CCSER2: variants seen among roughly 807,000 people sequenced by gnomAD.
The protein encoded by CCSER2 is serine-rich coiled-coil domain-containing protein 2.
CCSER2 carries 46 observed loss-of-function variants against 92.3 expected under a neutral mutation model. That is an observed-to-expected ratio of 0.50 (90% CI 0.39 to 0.64). The LOEUF is 0.64. CCSER2 is among the 30% of genes least tolerant of loss of function. The pLI is 0.00. For synonymous variants in CCSER2, 433 were observed against 431.4 expected (o/e 1.00, Z -0.04); for missense variants, 1,244 against 1,238.9 (o/e 1.00, Z -0.06).
intron 7 of CCSER2, among the ~76,000 whole-genome samples, chr10:84,464,965 A>G (rs993388424): frequency 1.3e-5 from 2 of 152,218 alleles, no homozygotes; most frequent in Non-Finnish European, 2.9e-5. Flanking sequence ...AATCAAAATC[A>G]TAAGAGTATA....
At chr10:84,361,701 G>A (rs1386631344) in intron 1 of CCSER2, among the ~76,000 whole-genome samples, 2 of 151,798 alleles carry the variant, frequency 1.3e-5, no homozygotes, top group Non-Finnish European at 2.9e-5. Flanking sequence ...GAGTGCAGTG[G>A]TGCAATCTCA....
At chr10:84,413,286 C>T (rs529761511) in intron 3 of CCSER2, among the ~76,000 whole-genome samples, 5 of 152,074 alleles carry the variant, frequency 3.3e-5, no homozygotes, top group South Asian at 4.2e-4. Flanking sequence ...ATGGGCATTT[C>T]GTGCTATAAA....
At chr10:84,512,367 A>T (rs545386848) in intron 9 of CCSER2, among the ~76,000 whole-genome samples, 7 of 139,742 alleles carry the variant, frequency 5.0e-5, no homozygotes, top group African/African-American at 1.6e-4. Flanking sequence ...TTATTTAAAC[A>T]GTGTGTGTGT....
At chr10:84,440,760 C>T (rs528859569) in intron 6 of CCSER2, among the ~76,000 whole-genome samples, 2 of 152,306 alleles carry the variant, frequency 1.3e-5, no homozygotes, top group East Asian at 3.9e-4. Flanking sequence ...TACTGAAAAT[C>T]TCTTTATCCT....
chr10:84,337,021 CG>C (rs1042746212), intron 1 of CCSER2, among the ~76,000 whole-genome samples: 1 of 152,122 alleles, frequency 6.6e-6, no homozygotes, highest in Admixed American at 6.5e-5. Context: ...AGGGTTTTAG[CG>C]GGGGAAGTAA....
intron 1 of CCSER2, among the ~76,000 whole-genome samples, chr10:84,354,558 G>A (rs1189695327): frequency 1.3e-5 from 1 of 79,370 alleles, no homozygotes; most frequent in South Asian, 3.8e-4. Flanking sequence ...CCCCCGCCCC[G>A]CTTCCCCCTC....
intron 1 of CCSER2, among the ~76,000 whole-genome samples, chr10:84,338,825 G>C (rs1843996766): frequency 6.6e-6 from 1 of 152,108 alleles, no homozygotes; most frequent in Non-Finnish European, 1.5e-5. Flanking sequence ...GATGAATTCA[G>C]AAACTGTGTT....
intron 6 of CCSER2, among the ~76,000 whole-genome samples, chr10:84,458,524 A>G (rs867717819): frequency 2.6e-5 from 4 of 152,070 alleles, no homozygotes; most frequent in Non-Finnish European, 4.4e-5. Flanking sequence ...TTGCCTTTTC[A>G]TGTAAATTTT....
At chr10:84,451,718 AC>A (rs1845304811) in intron 6 of CCSER2, among the ~76,000 whole-genome samples, 1 of 152,194 alleles carries the variant, frequency 6.6e-6, no homozygotes, top group Non-Finnish European at 1.5e-5. Context: ...ATTTGTAAAT[AC>A]TATTTGCTTA....
chr10:84,484,063 T>C (rs1264737758), intron 9 of CCSER2, among the ~76,000 whole-genome samples: 1 of 144,278 alleles, frequency 6.9e-6, no homozygotes, highest in Admixed American at 7.1e-5. Flanking sequence ...AAGCTCCACC[T>C]CCCGGGTTCA....
intron 7 of CCSER2, among the ~76,000 whole-genome samples, chr10:84,464,302 A>G (rs1375119443): frequency 3.3e-5 from 5 of 152,210 alleles, no homozygotes; most frequent in African/African-American, 1.2e-4. Context: ...ATGAGTAGGA[A>G]TGAAAGTTAA....
intron 9 of CCSER2, chr10:84,499,935 A>C: frequency 6.2e-7 from 1 of 1,613,778 alleles, no homozygotes; most frequent in Non-Finnish European, 8.5e-7. Flanking sequence ...GATCCCACGG[A>C]CTGTTCCACC....
chr10:84,415,320 T>C (rs1181826936), intron 3 of CCSER2, among the ~76,000 whole-genome samples: 2 of 152,236 alleles, frequency 1.3e-5, no homozygotes, highest in Non-Finnish European at 2.9e-5. Flanking sequence ...GACCTTTGAA[T>C]TGGGTTTTTG....
intron 6 of CCSER2, among the ~76,000 whole-genome samples, chr10:84,440,960 A>G (rs918249600): frequency 1.3e-5 from 2 of 152,100 alleles, no homozygotes; most frequent in African/African-American, 4.8e-5. Context: ...GAATATTTTT[A>G]ATCTTTTATT....
chr10:84,397,195 G>A (rs536460459), intron 3 of CCSER2, among the ~76,000 whole-genome samples: 6 of 152,088 alleles, frequency 3.9e-5, no homozygotes, highest in Non-Finnish European at 8.8e-5. Flanking sequence ...TAAATCTTAA[G>A]TGCATTGATT....
At chr10:84,436,543 A>C (rs1279959391) in intron 5 of CCSER2, among the ~76,000 whole-genome samples, 1 of 142,984 alleles carries the variant, frequency 7.0e-6, no homozygotes, top group South Asian at 2.4e-4. Context: ...ACTGAGGCAG[A>C]GGAATGGCAT....
At chr10:84,398,998 G>A (rs1157103670) in intron 3 of CCSER2, among the ~76,000 whole-genome samples, 1 of 152,202 alleles carries the variant, frequency 6.6e-6, no homozygotes, top group Non-Finnish European at 1.5e-5. Context: ...CAGAGAGTTA[G>A]AGTCATGGCC....
At chr10:84,445,437 GCCACC>G in intron 6 of CCSER2, among the ~76,000 whole-genome samples, 1 of 152,216 alleles carries the variant, frequency 6.6e-6, no homozygotes, top group Non-Finnish European at 1.5e-5. Context: ...ACAGGCGTGA[GCCACC>G]GCACCTGGCC....
intron 5 of CCSER2, 107 bp downstream of exon 5, chr10:84,426,000 T>C (rs779474181): frequency 1.4e-4 from 95 of 697,254 alleles, no homozygotes; most frequent in Non-Finnish European, 2.0e-4. Context: ...GGTTTGTTTT[T>C]AGAGGCACCA....
Sources: allele counts gnomAD v4.1 joint callset (sites outside exome capture counted in the v4.1 genomes callset), GRCh38; gene constraint gnomAD v4.1.1; transcripts MANE v1.5; gene names NCBI Gene and HGNC (gene_info 2026-07-23, HGNC 2026-07-21).